CDKL2: variants seen among roughly 807,000 people sequenced by gnomAD.
CDKL2 encodes the protein cyclin dependent kinase like 2, also known as cyclin-dependent kinase-like 2.
In CDKL2, 64 loss-of-function variants were observed where a neutral mutation model predicts 63.9. The observed-to-expected ratio is 1.00, with a 90% CI of 0.82 to 1.23. CDKL2 has a LOEUF of 1.23. CDKL2 is among the 50% of genes most tolerant of loss of function. The pLI, the probability that CDKL2 is intolerant of heterozygous loss-of-function variation, is 0.00. For missense variants in CDKL2, 656 were observed against 668.0 expected (o/e 0.98, Z 0.20); for synonymous variants, 211 against 229.2 (o/e 0.92, Z 0.72).
In CDKL2 at chr4:75,578,826, T is replaced by A. The variant is rs1728135461; in HGVS notation, c.*376A>T. On this transcript the variant is annotated 3_prime_UTR_variant, in exon 14 of 14. Transcript: ENST00000307465. ...ATGAGTAACATGGCCTTTTATAGTATTTCTCTCTGTCCCCCTTTTTTACAC... is the reference window on the plus strand; with the variant it reads ...ATGAGTAACATGGCCTTTTATAGTAATTCTCTCTGTCCCCCTTTTTTACAC... 6.6e-6 allele frequency: 1 copy of A among 152,634 alleles called. No individual in the cohort carries two copies. Among genetic ancestry groups the A allele is most frequent in the African/African-American group, 2.4e-5 (1 of 41,454 alleles). 9.5% of individuals were successfully genotyped at this position (152,634 alleles called of 1,614,324 possible).
intron 10 of CDKL2, among the ~76,000 whole-genome samples, chr4:75,593,641 T>C (rs1018265069): frequency 6.6e-6 from 1 of 152,192 alleles, no homozygotes; most frequent in Non-Finnish European, 1.5e-5. Context: ...AACCAGCTAT[T>C]TTGAAAAGCC....
chr4:75,626,526 A>G (rs893141829), intron 1 of CDKL2, among the ~76,000 whole-genome samples: 2 of 152,052 alleles, frequency 1.3e-5, no homozygotes, highest in Non-Finnish European at 2.9e-5. Context: ...AATTAGCCGG[A>G]CTTGGTGGCA....
Position 75,614,260 on chromosome 4 carries a change from G to C in CDKL2, c.358C>G (p.His120Asp). The change falls in exon 3 of 14, where the codon CAC (histidine) becomes GAC (aspartate). Residue 120 changes from histidine to aspartate, a missense_variant. His to Asp is a moderately conservative substitution (Grantham distance 81). Coordinates refer to ENST00000307465, the MANE Select transcript of CDKL2 (RefSeq NM_001330724.2). Reference sequence around the variant, plus strand: ...TATTTAAACCCAATACTTACATTGTGACTGTGACAAAATCCAATTCCATTA... The same window carrying C: ...TATTTAAACCCAATACTTACATTGTCACTGTGACAAAATCCAATTCCATTA... Reference protein sequence around the residue: ...IINGIGFCHSHNIIHRDIKPE... With the variant: ...IINGIGFCHSDNIIHRDIKPE... The C allele has an allele frequency of 6.3e-7, 1 of 1,586,900 alleles. No homozygotes were observed. The highest frequency in any genetic ancestry group is 8.6e-7 in the Non-Finnish European group (1 of 1,161,270).
chr4:75,622,543 AC>A (rs1730194106), intron 2 of CDKL2, among the ~76,000 whole-genome samples: 1 of 151,398 alleles, frequency 6.6e-6, no homozygotes. Flanking sequence ...ACATGGTGAA[AC>A]CCCGTCTCTA....
chr4:75,591,919 T>C lies in CDKL2; in HGVS notation c.1547A>G (p.Asn516Ser). The C allele has an allele frequency of 6.5e-7, 1 of 1,535,216 alleles. No individual in the cohort carries two copies. The highest frequency in any genetic ancestry group is 8.7e-7 in the Non-Finnish European group (1 of 1,146,168). The part of the protein sequence containing the change: ...ELRALGGIAR[N>S]SRLTKKESKI... Reference sequence around the variant, plus strand: ...GCTCTCTTTCTTTGTTAGCCTGGAATTTCGAGCTAGATAGAAATGACCATA... The same window carrying C: ...GCTCTCTTTCTTTGTTAGCCTGGAACTTCGAGCTAGATAGAAATGACCATA... The change falls in exon 12 of 14, where the codon AAT becomes AGT. Residue 516 changes from asparagine (N) to serine (S), a missense_variant. Physicochemically the swap from Asn to Ser is conservative, Grantham distance 46. Transcript: ENST00000307465.
At chr4:75,626,601 A>G (rs951597724) in intron 1 of CDKL2, among the ~76,000 whole-genome samples, 20 of 149,890 alleles carry the variant, frequency 1.3e-4, no homozygotes, top group African/African-American at 4.9e-4. Context: ...CGGGAGGCGG[A>G]GCTTGCAGTG....
At chr4:75,592,397 A>C in intron 10 of CDKL2, 128 bp from the exon 11 acceptor site, 1 of 677,436 alleles carries the variant, frequency 1.5e-6, no homozygotes. Flanking sequence ...AAAAATTTGA[A>C]GGACATTAAT....
intron 12 of CDKL2, among the ~76,000 whole-genome samples, chr4:75,586,425 A>G (rs1272927576): frequency 5.3e-5 from 8 of 151,872 alleles, no homozygotes; most frequent in Admixed American, 5.2e-4. Flanking sequence ...ATGGGGTTTC[A>G]CCATGTTAGC....
At position 75,577,111 on chromosome 4, in the gene CDKL2, C is replaced by A. The variant is rs532783626; in HGVS notation, c.*2091G>T. On this transcript the variant is annotated 3_prime_UTR_variant, in exon 14 of 14. Coordinates refer to ENST00000307465, the MANE Select transcript of CDKL2 (RefSeq NM_001330724.2). ...ATCTAAATTTAAACCATCTATGGAG[C>A]CCAGTAAGATAATATTTATTAATTT... Among the ~76,000 whole-genome samples, 1 of 152,096 alleles carries A rather than the reference C, an allele frequency of 6.6e-6. No individual in the cohort carries two copies. The highest frequency in any genetic ancestry group is 1.9e-4 in the East Asian group (1 of 5,188).
In CDKL2 at chr4:75,596,964, C is replaced by A; in HGVS notation, c.1293G>T (p.Gly431=). 3.7e-6 allele frequency: 6 copies of A among 1,614,010 alleles called. No individual in the cohort carries two copies. Among genetic ancestry groups the A allele is most frequent in the Non-Finnish European group, 5.1e-6 (6 of 1,179,916 alleles). ...AACCCTGAATTGGTATAGTCTCAGT[C>A]CCCATTCCAGAATTAATGCTGGGAG... ...AVAPSINSGM[G]TETIPIQGYR... is the part of the protein sequence containing the mutation. Residue 431 remains glycine (G), a synonymous_variant, in exon 9 of 14, where the codon GGG becomes GGT. Transcript: ENST00000307465.
At chr4:75,619,910 C>T (rs946220091) in intron 2 of CDKL2, among the ~76,000 whole-genome samples, 5 of 152,240 alleles carry the variant, frequency 3.3e-5, no homozygotes, top group African/African-American at 7.2e-5. Flanking sequence ...TCAGGACAGG[C>T]GTGGTGGCTC....
intron 10 of CDKL2, among the ~76,000 whole-genome samples, chr4:75,592,736 T>G (rs938025016): frequency 1.3e-5 from 2 of 152,244 alleles, no homozygotes; most frequent in Non-Finnish European, 2.9e-5. Flanking sequence ...TTGTTGTTCA[T>G]TTTTCTATAT....
Position 75,578,737 on chromosome 4 carries a change from C to T in CDKL2, c.*465G>A, listed in dbSNP as rs895013586. 1.3e-5 allele frequency: 2 copies of T among 152,468 alleles called. No individual in the cohort carries two copies. The highest frequency in any genetic ancestry group is 2.4e-5 in the African/African-American group (1 of 41,386). The allele number at this position is 152,468 out of a possible 1,614,324, so 9.4% of individuals were successfully genotyped here. ...ACTGATCCTAATTTTTATCACCTAC[C>T]CCCAAGAAACCCACTCCTAAATAAA... On this transcript the variant is annotated 3_prime_UTR_variant, in exon 14 of 14. Coordinates refer to ENST00000307465, the MANE Select transcript of CDKL2 (RefSeq NM_001330724.2).
In CDKL2 at chr4:75,625,846, G is replaced by A. The variant is rs1325811767; in HGVS notation, c.143C>T (p.Ala48Val). 11 of 1,611,442 alleles carry A rather than the reference G, an allele frequency of 6.8e-6. No homozygotes were observed. Among genetic ancestry groups the A allele is most frequent in the South Asian group, 1.1e-5 (1 of 90,302 alleles). Residue 48 changes from alanine (A) to valine (V), a missense_variant, in exon 2 of 14, where the codon GCA becomes GTA. Ala to Val is a moderately conservative substitution (Grantham distance 64). Coordinates refer to ENST00000307465, the MANE Select transcript of CDKL2 (RefSeq NM_001330724.2). Reference sequence around the variant, plus strand: ...CTTTAGTAACTTGATTTCTCGCATTGCAATCTTTTTAACCATTTTGTCATC... The same window carrying A: ...CTTTAGTAACTTGATTTCTCGCATTACAATCTTTTTAACCATTTTGTCATC... ...SDDDKMVKKI[A>V]MREIKLLKQL...
At chr4:75,596,538 A>G (rs1336858021) in intron 9 of CDKL2, among the ~76,000 whole-genome samples, 198 bp from the exon 10 acceptor site, 3 of 152,116 alleles carry the variant, frequency 2.0e-5, no homozygotes, top group Admixed American at 2.0e-4. Flanking sequence ...GCAGCCCCCA[A>G]CTCCTACCAA....
intron 12 of CDKL2, among the ~76,000 whole-genome samples, chr4:75,582,847 C>A (rs1417672643): frequency 6.6e-6 from 1 of 152,054 alleles, no homozygotes; most frequent in Non-Finnish European, 1.5e-5. Flanking sequence ...GAATTTCCCA[C>A]CAGAAATTAC....
chr4:75,611,771 C>T (rs1397205271), intron 3 of CDKL2, among the ~76,000 whole-genome samples: 2 of 151,294 alleles, frequency 1.3e-5, no homozygotes, highest in African/African-American at 4.9e-5. Context: ...TCTCCTGCCT[C>T]AGCCTTCCGA....
chr4:75,600,652 G>A (rs775858302), intron 6 of CDKL2, among the ~76,000 whole-genome samples: 10 of 152,034 alleles, frequency 6.6e-5, no homozygotes, highest in African/African-American at 9.7e-5. Context: ...TAGAGACAGC[G>A]TTTCGCCATG....
At chr4:75,585,804 G>A (rs1728454237) in intron 12 of CDKL2, among the ~76,000 whole-genome samples, 1 of 151,858 alleles carries the variant, frequency 6.6e-6, no homozygotes, top group Non-Finnish European at 1.5e-5. Flanking sequence ...ATATAAGAGA[G>A]AAATAGGCAA....
Sources: gnomAD v4.1 joint callset for allele counts (sites outside exome capture counted in the v4.1 genomes callset) on GRCh38, gnomAD v4.1.1 for gene constraint, MANE v1.5 for transcripts, NCBI Gene and HGNC (gene_info 2026-07-23, HGNC 2026-07-21) for gene names.